The following GALNT13 variants were observed in gnomAD, a reference collection of about 807,000 sequenced individuals.
GALNT13 encodes the protein polypeptide N-acetylgalactosaminyltransferase 13.
Under a neutral mutation model 64.2 loss-of-function variants are expected in GALNT13, and 28 were observed. That is an observed-to-expected ratio of 0.44 (90% CI 0.32 to 0.60). The LOEUF is 0.60. Among genes scored for constraint, GALNT13 ranks in the 20% least tolerant of loss-of-function variants. The pLI, the probability that GALNT13 is intolerant of heterozygous loss-of-function variation, is 0.05. For missense variants in GALNT13, 577 were observed against 669.8 expected (o/e 0.86, Z 1.53); for synonymous variants, 214 against 224.6 (o/e 0.95, Z 0.42).
chr2:154,443,790 AT>A (rs1327593915), intron 12 of GALNT13, among the ~76,000 whole-genome samples: 2 of 152,100 alleles, frequency 1.3e-5, no homozygotes, highest in African/African-American at 4.8e-5. Context: ...TTGCAAATAT[AT>A]TTAAAGGCAT....
At chr2:154,118,451 A>G (rs1353304202) in intron 3 of GALNT13, among the ~76,000 whole-genome samples, 1 of 151,238 alleles carries the variant, frequency 6.6e-6, no homozygotes, top group Non-Finnish European at 1.5e-5. Flanking sequence ...ACAGGTAGGT[A>G]TTTTTTTTAA....
intron 12 of GALNT13, among the ~76,000 whole-genome samples, chr2:154,439,320 A>G (rs1701162868): frequency 6.6e-6 from 1 of 152,194 alleles, no homozygotes; most frequent in African/African-American, 2.4e-5. Flanking sequence ...ATCTCCAGGC[A>G]GTGTGTAAAA....
the GALNT13 span, among the ~76,000 whole-genome samples, chr2:153,434,211 T>C: frequency 1.1e-4 from 17 of 152,340 alleles, no homozygotes; most frequent in East Asian, 2.3e-3. Flanking sequence ...TGCCACATTT[T>C]CTTAATCCAG....
intron 2 of GALNT13, among the ~76,000 whole-genome samples, chr2:153,916,995 A>G (rs1404580115): frequency 6.6e-6 from 1 of 152,222 alleles, no homozygotes; most frequent in Non-Finnish European, 1.5e-5. Flanking sequence ...AACCTTTGCC[A>G]TTGGTAAGTT....
At chr2:153,129,069 C>A in the GALNT13 span, among the ~76,000 whole-genome samples, 1 of 152,124 alleles carries the variant, frequency 6.6e-6, no homozygotes. Context: ...ATGCCCTGAG[C>A]ACACATGTTG....
intron 9 of GALNT13, among the ~76,000 whole-genome samples, chr2:154,378,549 C>A (rs1007194050): frequency 3.3e-5 from 5 of 152,116 alleles, no homozygotes; most frequent in African/African-American, 9.7e-5. Flanking sequence ...ACAATGCAGA[C>A]CGCAGATTGG....
chr2:153,175,970 A>G, the GALNT13 span, among the ~76,000 whole-genome samples: 57,555 of 151,960 alleles, frequency 0.38, 11,497 homozygotes, highest in East Asian at 0.71. Context: ...AATCTCCACT[A>G]GTTTCAGGAT....
chr2:153,416,757 T>C, the GALNT13 span, among the ~76,000 whole-genome samples: 1 of 152,204 alleles, frequency 6.6e-6, no homozygotes, highest in Non-Finnish European at 1.5e-5. Context: ...CTCTATGTGA[T>C]ATGATACAAC....
intron 2 of GALNT13, among the ~76,000 whole-genome samples, chr2:153,929,152 G>A (rs1229424644): frequency 6.6e-6 from 1 of 152,048 alleles, no homozygotes; most frequent in Non-Finnish European, 1.5e-5. Context: ...CTTGTTGTCT[G>A]TTTTGTTTTC....
intron 4 of GALNT13, among the ~76,000 whole-genome samples, chr2:154,187,247 T>A (rs1487397491): frequency 6.6e-6 from 1 of 152,100 alleles, no homozygotes; most frequent in Non-Finnish European, 1.5e-5. Context: ...TAAAATGTTT[T>A]AGACACATAA....
chr2:153,458,192 A>G, the GALNT13 span, among the ~76,000 whole-genome samples: 6 of 152,260 alleles, frequency 3.9e-5, no homozygotes, highest in Admixed American at 2.6e-4. Context: ...CAAAAAGACA[A>G]TCACCCTTAT....
intron 3 of GALNT13, among the ~76,000 whole-genome samples, chr2:154,017,899 G>A (rs1045083118): frequency 3.9e-5 from 6 of 152,072 alleles, no homozygotes; most frequent in African/African-American, 1.4e-4. Context: ...ATTGTCTTTA[G>A]GTCCTATTTA....
chr2:153,402,411 G>A, the GALNT13 span, among the ~76,000 whole-genome samples: 1 of 151,172 alleles, frequency 6.6e-6, no homozygotes, highest in African/African-American at 2.4e-5. Context: ...GTGTCTTGGA[G>A]TTGCTCTTCT....
intron 3 of GALNT13, among the ~76,000 whole-genome samples, chr2:153,948,461 G>C (rs1691931302): frequency 6.6e-6 from 1 of 151,944 alleles, no homozygotes; most frequent in Non-Finnish European, 1.5e-5. Flanking sequence ...ATTCATCAGA[G>C]ACCTAAAGAC....
At chr2:154,419,040 TATAAA>T (rs1700142769) in intron 11 of GALNT13, among the ~76,000 whole-genome samples, 3 of 152,066 alleles carry the variant, frequency 2.0e-5, no homozygotes, top group Admixed American at 1.3e-4. Context: ...TTAATAAAAA[TATAAA>T]ATAACTAAAA....
chr2:153,803,777 A>G, the GALNT13 span, among the ~76,000 whole-genome samples: 3 of 152,048 alleles, frequency 2.0e-5, no homozygotes, highest in Non-Finnish European at 4.4e-5. Context: ...CGAAGAGGTC[A>G]TATGAGCACA....
the GALNT13 span, among the ~76,000 whole-genome samples, chr2:153,300,010 G>C: frequency 6.6e-6 from 1 of 152,140 alleles, no homozygotes; most frequent in Non-Finnish European, 1.5e-5. Context: ...TATTCTGACA[G>C]CTATTCCTGG....
At chr2:153,364,737 G>A in the GALNT13 span, among the ~76,000 whole-genome samples, 2 of 152,110 alleles carry the variant, frequency 1.3e-5, no homozygotes, top group South Asian at 4.1e-4. Context: ...AATAAGAGAG[G>A]ACACAAACAA....
the GALNT13 span, among the ~76,000 whole-genome samples, chr2:153,702,200 A>G: frequency 6.6e-6 from 1 of 152,208 alleles, no homozygotes; most frequent in Non-Finnish European, 1.5e-5. Context: ...GCAAAGCTGG[A>G]TGGATGAAGC....
Sources: allele counts gnomAD v4.1 joint callset (sites outside exome capture counted in the v4.1 genomes callset), GRCh38; gene constraint gnomAD v4.1.1; transcripts MANE v1.5; gene names NCBI Gene and HGNC (gene_info 2026-07-23, HGNC 2026-07-21).